The following SPAG16 variants were observed in gnomAD, a reference collection of about 807,000 sequenced individuals.
SPAG16 encodes sperm associated antigen 16.
A neutral mutation model predicts 80.4 loss-of-function variants in SPAG16; 86 were observed. That is an observed-to-expected ratio of 1.07 (90% CI 0.90 to 1.28). The LOEUF (loss-of-function observed/expected upper bound fraction) is 1.28. Ranked by LOEUF, SPAG16 falls within the 50% of genes most tolerant of loss-of-function variation. SPAG16 has a pLI of 0.00. For missense variants in SPAG16, 870 were observed against 765.3 expected (o/e 1.14, Z -1.61); for synonymous variants, 294 against 265.9 (o/e 1.11, Z -1.03).
intron 15 of SPAG16, among the ~76,000 whole-genome samples, chr2:214,225,223 G>C (rs139962840): frequency 8.5e-5 from 13 of 152,274 alleles, no homozygotes; most frequent in Non-Finnish European, 1.6e-4. Context: ...CGTGGAGCAA[G>C]GGAGATGGAG....
chr2:214,142,710 G>T (rs1576335842), intron 14 of SPAG16, among the ~76,000 whole-genome samples: 1 of 152,144 alleles, frequency 6.6e-6, no homozygotes, highest in Non-Finnish European at 1.5e-5. Flanking sequence ...GCAAGACTGT[G>T]TGTTAACTCC....
At chr2:213,768,239 AAGAG>A (rs2069049515) in intron 10 of SPAG16, among the ~76,000 whole-genome samples, 2 of 152,208 alleles carry the variant, frequency 1.3e-5, no homozygotes, top group Admixed American at 1.3e-4. Context: ...AGCTAGAAAA[AAGAG>A]ATAAGAATGC....
intron 9 of SPAG16, among the ~76,000 whole-genome samples, chr2:213,453,127 C>A (rs1261960258): frequency 1.3e-5 from 2 of 152,132 alleles, no homozygotes; most frequent in African/African-American, 4.8e-5. Flanking sequence ...TTTCTTAGAA[C>A]ATTGCCTCAG....
chr2:214,401,131 G>C (rs756775536), intron 15 of SPAG16, among the ~76,000 whole-genome samples: 1 of 151,886 alleles, frequency 6.6e-6, no homozygotes, highest in Non-Finnish European at 1.5e-5. Flanking sequence ...TGGTGTTTTT[G>C]AAATTCTGAG....
At chr2:214,102,997 C>T (rs772829713) in intron 13 of SPAG16, among the ~76,000 whole-genome samples, 4 of 152,094 alleles carry the variant, frequency 2.6e-5, no homozygotes, top group Non-Finnish European at 5.9e-5. Context: ...GGGCTTCCCG[C>T]ATGCGCAGTG....
chr2:213,607,866 A>C (rs1032135869), intron 10 of SPAG16, among the ~76,000 whole-genome samples: 3 of 152,218 alleles, frequency 2.0e-5, no homozygotes, highest in African/African-American at 7.2e-5. Context: ...GATTTTAGGA[A>C]GTCATTTAAG....
intron 12 of SPAG16, among the ~76,000 whole-genome samples, chr2:213,931,118 A>G (rs1210207146): frequency 6.6e-6 from 1 of 152,052 alleles, no homozygotes. Flanking sequence ...TTAGTTACTT[A>G]GTTAGCAACT....
chr2:213,954,493 T>C (rs1472395266), intron 12 of SPAG16, among the ~76,000 whole-genome samples: 2 of 152,082 alleles, frequency 1.3e-5, no homozygotes, highest in East Asian at 3.8e-4. Flanking sequence ...TGGACATATG[T>C]TTTCTCTTTT....
At chr2:213,657,476 G>A (rs560626318) in intron 10 of SPAG16, among the ~76,000 whole-genome samples, 12 of 152,254 alleles carry the variant, frequency 7.9e-5, no homozygotes, top group Non-Finnish European at 1.8e-4. Context: ...TGTCTAATAA[G>A]CAGAAAATAA....
intron 9 of SPAG16, among the ~76,000 whole-genome samples, chr2:213,489,166 A>C (rs2074128566): frequency 1.3e-5 from 2 of 152,242 alleles, no homozygotes; most frequent in South Asian, 4.1e-4. Context: ...GCAAAAATTC[A>C]TGATATGAGC....
intron 11 of SPAG16, among the ~76,000 whole-genome samples, chr2:213,909,936 A>G (rs971471479): frequency 1.3e-5 from 2 of 152,228 alleles, no homozygotes; most frequent in African/African-American, 4.8e-5. Flanking sequence ...CACAAACTGT[A>G]CATTAAAGGT....
intron 10 of SPAG16, among the ~76,000 whole-genome samples, chr2:213,588,451 A>G (rs1438299294): frequency 6.9e-6 from 1 of 144,108 alleles, no homozygotes; most frequent in Non-Finnish European, 1.5e-5. Flanking sequence ...TTTATTTGTG[A>G]TTTTTTTTTT....
Position 214,022,036 on chromosome 2 carries a change from A to G in SPAG16, c.1527+7959A>G, listed in dbSNP as rs2047896037. On this transcript the variant is annotated intron_variant, in intron 13 of 15. Transcript: ENST00000331683. Reference sequence around the variant, plus strand: ...CTCCCCATGCTTGTTCCTCTGGATTAGGCATCCCAAGAGGCAACCAAGAGA... The same window carrying G: ...CTCCCCATGCTTGTTCCTCTGGATTGGGCATCCCAAGAGGCAACCAAGAGA... 3.3e-5 allele frequency among the ~76,000 whole-genome samples: 5 copies of G among 152,226 alleles called. No homozygotes were observed. In the South Asian group the frequency reaches 1.0e-3, roughly 32 times the overall value.
At chr2:213,350,480 A>T (rs766185146) in intron 6 of SPAG16, 48 bp from the exon 7 acceptor site, 218 of 990,566 alleles carry the variant, frequency 2.2e-4, no homozygotes, top group South Asian at 8.4e-5. Context: ...GAAATTACTG[A>T]TTTAACTCAA....
chr2:214,073,611 G>A, intron 13 of SPAG16, among the ~76,000 whole-genome samples: 1 of 149,430 alleles, frequency 6.7e-6, no homozygotes, highest in South Asian at 2.1e-4. Flanking sequence ...GCATAAAGAT[G>A]TCAATTCTTC....
intron 14 of SPAG16, among the ~76,000 whole-genome samples, chr2:214,133,242 G>A (rs952994809): frequency 2.6e-5 from 4 of 152,028 alleles, no homozygotes; most frequent in Admixed American, 6.6e-5. Context: ...ACTTTTATCA[G>A]CATCCCTGGC....
chr2:214,339,218 C>T (rs1322301938), intron 15 of SPAG16, among the ~76,000 whole-genome samples: 1 of 152,030 alleles, frequency 6.6e-6, no homozygotes, highest in African/African-American at 2.4e-5. Context: ...ACTGAGTTAC[C>T]TTTTTGGTAA....
intron 10 of SPAG16, among the ~76,000 whole-genome samples, chr2:213,604,676 TG>T (rs1424094017): frequency 2.0e-5 from 3 of 152,106 alleles, no homozygotes; most frequent in African/African-American, 7.2e-5. Flanking sequence ...AATTGTAAGC[TG>T]TTTTTTTCTC....
At chr2:213,886,207 G>A (rs879941288) in intron 11 of SPAG16, among the ~76,000 whole-genome samples, 6 of 152,072 alleles carry the variant, frequency 3.9e-5, no homozygotes, top group African/African-American at 9.7e-5. Flanking sequence ...TAATTTCTCT[G>A]TGGCCAATTT....
Sources: gnomAD v4.1 joint callset for allele counts (sites outside exome capture counted in the v4.1 genomes callset) on GRCh38, gnomAD v4.1.1 for gene constraint, MANE v1.5 for transcripts, NCBI Gene and HGNC (gene_info 2026-07-23, HGNC 2026-07-21) for gene names.